Variants in TSHZ3 observed in about 807,000 individuals in gnomAD.
The protein encoded by TSHZ3 is teashirt zinc finger homeobox 3.
A neutral mutation model predicts 64.5 loss-of-function variants in TSHZ3; 10 were observed. The observed-to-expected ratio is 0.16, with a 90% CI of 0.10 to 0.26. The LOEUF (loss-of-function observed/expected upper bound fraction) is 0.26. Ranked by LOEUF, TSHZ3 falls within the 10% of genes least tolerant of loss-of-function variation. The pLI is 1.00. For synonymous variants in TSHZ3, 608 were observed against 593.1 expected (o/e 1.03, Z -0.36); for missense variants, 1,242 against 1,421.7 (o/e 0.87, Z 2.03).
At chr19:31,177,088 A>C (rs1300779545) in intron 5 of TSHZ3, among the ~76,000 whole-genome samples, 1 of 152,100 alleles carries the variant, frequency 6.6e-6, no homozygotes. Flanking sequence ...TGTGAGCAAA[A>C]AGAGAATATT....
rs533330697 is a variant in TSHZ3 at position 31,253,890 on chromosome 19, C to T, written n.64-11015G>A. Among the ~76,000 whole-genome samples, 95 of 152,228 alleles carry T rather than the reference C, an allele frequency of 6.2e-4. No homozygotes were observed. The South Asian group carries it at 0.017, about 27-fold the overall frequency. ...ATGTGTGGCAATTTCTCAGCAAAGA[C>T]GGCAGCAGAATTTGACAGTGCAATC... On this transcript the variant is annotated intron_variant and non_coding_transcript_variant, in intron 1 of 6. Transcript: ENST00000651361.
At chr19:31,235,678 TTTCTTTC>T (rs1191994596) in intron 3 of TSHZ3, among the ~76,000 whole-genome samples, 46 of 149,056 alleles carry the variant, frequency 3.1e-4, no homozygotes, top group African/African-American at 1.1e-3. Context: ...TTCTTCTTTC[TTTCTTTC>T]TTCTCCTCTT....
intron 1 of TSHZ3, among the ~76,000 whole-genome samples, chr19:31,263,148 C>T (rs1469620029): frequency 6.6e-6 from 1 of 152,134 alleles, no homozygotes; most frequent in Admixed American, 6.5e-5. Context: ...AGATGGCTGG[C>T]TCAGAATTGC....
At chr19:31,236,580 C>T (rs762374143) in intron 3 of TSHZ3, among the ~76,000 whole-genome samples, 1 of 152,122 alleles carries the variant, frequency 6.6e-6, no homozygotes. Context: ...TCTTCCATTC[C>T]CTTAGGAGTG....
rs1032171459 is a variant in TSHZ3 at position 31,170,161 on chromosome 19, G to A, written n.810-13744C>T. Among the ~76,000 whole-genome samples, 10 of 152,284 alleles carry A rather than the reference G, an allele frequency of 6.6e-5. 1 individual carries two copies. In the South Asian group the frequency reaches 1.2e-3, roughly 19 times the overall value. ...TGTTGGGGGCTTAAACAACAGGGAT[G>A]TATTTTCTCACAGTTCAGGAGGCTG... On this transcript the variant is annotated intron_variant and non_coding_transcript_variant, in intron 5 of 6. Transcript: ENST00000651361.
chr19:31,229,015 G>T (rs1975506791), intron 3 of TSHZ3, among the ~76,000 whole-genome samples: 1 of 152,164 alleles, frequency 6.6e-6, no homozygotes, highest in Non-Finnish European at 1.5e-5. Context: ...CTGGGATGCT[G>T]TCCTGACCCA....
chr19:31,173,579 G>A (rs985345581), intron 5 of TSHZ3, among the ~76,000 whole-genome samples: 2 of 152,108 alleles, frequency 1.3e-5, no homozygotes, highest in African/African-American at 4.8e-5. Flanking sequence ...TCTGTTTCTT[G>A]AAAAAATATG....
At chr19:31,222,693 C>T (rs1465946617) in intron 4 of TSHZ3, among the ~76,000 whole-genome samples, 3 of 152,276 alleles carry the variant, frequency 2.0e-5, no homozygotes, top group East Asian at 1.9e-4. Context: ...AGGAGGTACT[C>T]GGAAAATATT....
chr19:31,330,756 G>A (rs1433272134), intron 1 of TSHZ3, among the ~76,000 whole-genome samples: 7 of 151,660 alleles, frequency 4.6e-5, no homozygotes, highest in Admixed American at 2.6e-4. Context: ...AGCAGCCCAC[G>A]CTGAGAAGGC....
intron 1 of TSHZ3, among the ~76,000 whole-genome samples, chr19:31,321,396 G>A (rs141112756): frequency 0.011 from 1,642 of 152,298 alleles, 24 homozygotes; most frequent in Admixed American, 0.018. Flanking sequence ...GTCATCACAT[G>A]GCTCACCACT....
At chr19:31,232,862 C>T (rs2145177084) in intron 3 of TSHZ3, among the ~76,000 whole-genome samples, 1 of 152,276 alleles carries the variant, frequency 6.6e-6, no homozygotes, top group Non-Finnish European at 1.5e-5. Flanking sequence ...ACTTAGCACG[C>T]CTGTGAGTGA....
intron 5 of TSHZ3, among the ~76,000 whole-genome samples, chr19:31,191,951 G>A (rs1974916249): frequency 6.6e-6 from 1 of 152,078 alleles, no homozygotes; most frequent in Admixed American, 6.5e-5. Context: ...ACACTGAAAT[G>A]ATAACAATTT....
chr19:31,281,386 C>T (rs1375544574), intron 1 of TSHZ3, among the ~76,000 whole-genome samples: 1 of 152,108 alleles, frequency 6.6e-6, no homozygotes, highest in African/African-American at 2.4e-5. Flanking sequence ...ACATGGAATC[C>T]CAACACTGAT....
intron 1 of TSHZ3, among the ~76,000 whole-genome samples, chr19:31,330,653 G>A (rs549398798): frequency 1.4e-4 from 22 of 151,872 alleles, no homozygotes; most frequent in South Asian, 4.2e-4. Flanking sequence ...CCTCCCTCTG[G>A]GCTCAAAACA....
In TSHZ3 at chr19:31,237,490, T is replaced by C. The variant is rs141786298; in HGVS notation, n.550+4779A>G. On this transcript the variant is annotated intron_variant and non_coding_transcript_variant, in intron 3 of 6. Transcript: ENST00000651361. The stretch of plus-strand genomic sequence containing the variant: ...CTCTAATACTGTTTATTTGTTTTCT[T>C]TATTTTTTCATTAATTTGTCTTCCT... 2.2e-4 allele frequency among the ~76,000 whole-genome samples: 33 copies of C among 152,300 alleles called. No individual in the cohort carries two copies. The East Asian group carries it at 6.2e-3, about 28-fold the overall frequency.
At chr19:31,234,427 A>G (rs567110003) in intron 3 of TSHZ3, among the ~76,000 whole-genome samples, 45 of 152,302 alleles carry the variant, frequency 3.0e-4, no homozygotes, top group African/African-American at 1.0e-3. Context: ...TATGGGAAGT[A>G]AGGAGACTGA....
At position 31,277,535 on chromosome 19, in the gene TSHZ3, A is replaced by T. The variant is rs1019183859; in HGVS notation, c.2258T>A (p.Met753Lys). 6.2e-7 allele frequency: 1 copy of T among 1,601,518 alleles called. No homozygotes were observed. Among genetic ancestry groups the T allele is most frequent in the Non-Finnish European group, 8.5e-7 (1 of 1,172,638 alleles). ...ALDPMSMLFK[M>K]SNSLAEKAAV... ...AGCCTTCTCCGCCAGGCTGTTGCTC[A>T]TCTTGAAAAGCATGCTCATGGGGTC... The change falls in exon 2 of 2, where the codon ATG becomes AAG. Residue 753 changes from methionine to lysine, a missense_variant. By Grantham distance (95) the Met-to-Lys change is moderately conservative. This residue lies in a region of TSHZ3 where 550 missense variants were observed against 545.1 expected (regional missense o/e 1.01). Transcript: ENST00000240587. This position sits in a 1 kb window ranked among gnomAD's most constrained non-coding sequence, Gnocchi z 4.5.
chr19:31,332,393 G>A (rs1917121941), intron 1 of TSHZ3, among the ~76,000 whole-genome samples: 1 of 152,158 alleles, frequency 6.6e-6, no homozygotes, highest in African/African-American at 2.4e-5. Flanking sequence ...CGGAGCTGGT[G>A]GGGCTCTGAA....
At chr19:31,234,259 G>GT (rs879538565) in intron 3 of TSHZ3, among the ~76,000 whole-genome samples, 2 of 151,962 alleles carry the variant, frequency 1.3e-5, no homozygotes, top group Non-Finnish European at 2.9e-5. Context: ...AGCTCTAGTA[G>GT]TTTTTTTCAT....
Sources: gnomAD v4.1 joint callset for allele counts (sites outside exome capture counted in the v4.1 genomes callset) on GRCh38, gnomAD v4.1.1 for gene constraint, gnomAD v4.1.1 regional missense constraint, Gnocchi (gnomAD v3.1) non-coding constraint, MANE v1.5 for transcripts, NCBI Gene and HGNC (gene_info 2026-07-23, HGNC 2026-07-21) for gene names.